Variants in C3orf52 observed in about 807,000 individuals in gnomAD.
The protein encoded by C3orf52 is chromosome 3 open reading frame 52.
In C3orf52, 22 loss-of-function variants were observed where a neutral mutation model predicts 24.8. That is an observed-to-expected ratio of 0.89 (90% CI 0.63 to 1.27). C3orf52 has a LOEUF of 1.27. C3orf52 is among the 50% of genes most tolerant of loss of function. The pLI, the probability that C3orf52 is intolerant of heterozygous loss-of-function variation, is 0.00. For synonymous variants in C3orf52, 93 were observed against 100.2 expected, an observed-to-expected ratio of 0.93 and a Z score of 0.43; for missense variants, 265 against 260.7, an observed-to-expected ratio of 1.02 and a Z score of -0.11.
chr3:112,130,387 A>T, downstream of C3orf52: 1 of 1,385,454 alleles, frequency 7.2e-7, no homozygotes, highest in Non-Finnish European at 1.0e-6. Context: ...CCAGGGCTTG[A>T]CATACTTCGT....
rs746455162 is a variant in C3orf52 at position 112,116,920 on chromosome 3, T to A, written c.*274T>A. On this transcript the variant is annotated 3_prime_UTR_variant, in exon 6 of 6. Coordinates refer to ENST00000264848, the MANE Select transcript of C3orf52 (RefSeq NM_024616.3). ...TAGGGTCAGCGGGTATGTCCCACTG[T>A]TGGAGGTCACTGGTATTCTGTTTGT... 6.5e-7 allele frequency: 1 copy of A among 1,536,762 alleles called. No individual in the cohort carries two copies. The highest frequency in any genetic ancestry group is 1.2e-5 in the South Asian group (1 of 84,042).
At chr3:112,100,212 G>T (rs1458518990) in intron 2 of C3orf52, among the ~76,000 whole-genome samples, 1 of 151,940 alleles carries the variant, frequency 6.6e-6, no homozygotes, top group East Asian at 1.9e-4. Context: ...TACTTTCTTC[G>T]TGGGCGATGT....
chr3:112,123,197 A>G (rs1041679533), downstream of C3orf52: 1 of 560,198 alleles, frequency 1.8e-6, no homozygotes, highest in Non-Finnish European at 3.1e-6. Context: ...CCCTCCTACC[A>G]CTATACTCTC....
chr3:112,105,570 G>GTGTGTGTGTGTGTGT (rs199579112), intron 3 of C3orf52, among the ~76,000 whole-genome samples: 2 of 133,950 alleles, frequency 1.5e-5, no homozygotes, highest in Admixed American at 7.5e-5. Flanking sequence ...GTGTGTGTGT[G>GTGTGTGTGTGTGTGT]TTTTCCACAC....
intron 3 of C3orf52, among the ~76,000 whole-genome samples, chr3:112,104,270 G>A (rs544480527): frequency 9.2e-5 from 14 of 152,242 alleles, no homozygotes; most frequent in South Asian, 6.2e-4. Flanking sequence ...GACTAGGACC[G>A]TTGGGTGGGG....
intron 4 of C3orf52, among the ~76,000 whole-genome samples, chr3:112,124,573 A>C (rs530822084): frequency 6.6e-6 from 1 of 152,266 alleles, no homozygotes; most frequent in South Asian, 2.1e-4. Context: ...GTGCCATTGC[A>C]CTCCAGCCTG....
chr3:112,095,488 A>G (rs1220282383), intron 2 of C3orf52, among the ~76,000 whole-genome samples: 1 of 152,164 alleles, frequency 6.6e-6, no homozygotes, highest in African/African-American at 2.4e-5. Context: ...CATTCTCAAA[A>G]AGTCATCTAA....
chr3:112,123,624 C>G, intron 4 of C3orf52: 2 of 1,614,098 alleles, frequency 1.2e-6, no homozygotes, highest in African/African-American at 1.3e-5. Context: ...AGTCTCAGTT[C>G]CTCCCAAGGA....
chr3:112,119,709 T>G (rs1003429133), downstream of C3orf52: 13 of 571,148 alleles, frequency 2.3e-5, no homozygotes, highest in South Asian at 6.7e-5. Flanking sequence ...TGCTTTAAAA[T>G]AAGTTAATTT....
intron 1 of C3orf52, among the ~76,000 whole-genome samples, chr3:112,088,091 G>T (rs56062310): frequency 1.3e-5 from 2 of 152,034 alleles, no homozygotes; most frequent in African/African-American, 4.8e-5. Context: ...TGTTAGTAAG[G>T]TATATACAGA....
chr3:112,124,912 G>A (rs1361507773), intron 4 of C3orf52, among the ~76,000 whole-genome samples: 2 of 152,208 alleles, frequency 1.3e-5, no homozygotes, highest in Non-Finnish European at 2.9e-5. Context: ...GGATGGGATG[G>A]ATTATAGTAG....
At chr3:112,098,499 A>G (rs910137684) in intron 2 of C3orf52, among the ~76,000 whole-genome samples, 4 of 152,098 alleles carry the variant, frequency 2.6e-5, no homozygotes, top group Admixed American at 1.3e-4. Flanking sequence ...CATCTGTACA[A>G]TTTTCCTGAG....
chr3:112,120,030 A>G (rs986396662), downstream of C3orf52, among the ~76,000 whole-genome samples: 1 of 152,204 alleles, frequency 6.6e-6, no homozygotes, highest in African/African-American at 2.4e-5. Context: ...ACAAGTGATC[A>G]GGGGTCAGGG....
intron 2 of C3orf52, among the ~76,000 whole-genome samples, chr3:112,097,057 T>C (rs758825802): frequency 6.6e-6 from 1 of 152,202 alleles, no homozygotes; most frequent in Non-Finnish European, 1.5e-5. Context: ...TGAGACTCTT[T>C]AGGGAAAAGG....
intron 3 of C3orf52, among the ~76,000 whole-genome samples, chr3:112,108,550 G>A (rs1437601861): frequency 1.3e-5 from 2 of 152,230 alleles, no homozygotes; most frequent in Non-Finnish European, 2.9e-5. Context: ...AGCATAAGTT[G>A]TGATGGGGAA....
chr3:112,130,700 C>T, downstream of C3orf52: 1 of 610,676 alleles, frequency 1.6e-6, no homozygotes, highest in South Asian at 1.8e-5. Context: ...ATCTGACATG[C>T]TCTCCATTGC....
chr3:112,104,459 G>GA (rs1325131734), intron 3 of C3orf52, among the ~76,000 whole-genome samples: 2 of 152,174 alleles, frequency 1.3e-5, no homozygotes, highest in Non-Finnish European at 2.9e-5. Context: ...AAAAGCTCCT[G>GA]AAGAGGCGAT....
chr3:112,132,622 A>G, downstream of C3orf52: 2 of 984,900 alleles, frequency 2.0e-6, no homozygotes, highest in Non-Finnish European at 2.4e-6. Context: ...TTTAATCTAG[A>G]TGACCTCTGC....
intron 1 of C3orf52, among the ~76,000 whole-genome samples, chr3:112,091,533 C>T (rs1281269571): frequency 2.6e-5 from 4 of 152,198 alleles, no homozygotes; most frequent in Admixed American, 2.6e-4. Context: ...CCTCCTCCCA[C>T]CTCCCTTACA....
Sources: gnomAD v4.1 joint callset for allele counts (sites outside exome capture counted in the v4.1 genomes callset) on GRCh38, gnomAD v4.1.1 for gene constraint, MANE v1.5 for transcripts, NCBI Gene and HGNC (gene_info 2026-07-23, HGNC 2026-07-21) for gene names.